Variants in NALCN observed in about 807,000 individuals in gnomAD.
NALCN encodes sodium leak channel, non-selective.
NALCN carries 111 observed loss-of-function variants against 225.3 expected under a neutral mutation model. The observed-to-expected ratio is 0.49, with a 90% CI of 0.42 to 0.58. NALCN has a LOEUF of 0.58. NALCN is among the 20% of genes least tolerant of loss of function. The pLI, the probability that NALCN is intolerant of heterozygous loss-of-function variation, is 0.00. For synonymous variants in NALCN, 764 were observed against 769.0 expected, an observed-to-expected ratio of 0.99 and a Z score of 0.11; for missense variants, 1,378 against 2,202.4, an observed-to-expected ratio of 0.63 and a Z score of 7.49.
At chr13:101,109,529 G>C (rs144538127) in intron 20 of NALCN, among the ~76,000 whole-genome samples, 1 of 152,162 alleles carries the variant, frequency 6.6e-6, no homozygotes, top group Non-Finnish European at 1.5e-5. Flanking sequence ...AGAGAAAAAC[G>C]AAATAACCCC....
chr13:101,284,136 T>C (rs1594600962), intron 9 of NALCN, 117 bp from the exon 10 acceptor site: 1 of 767,466 alleles, frequency 1.3e-6, no homozygotes, highest in East Asian at 3.0e-5. Flanking sequence ...TATGGATTTA[T>C]ATTTGGAATG....
chr13:101,375,131 C>T (rs1304260096), intron 6 of NALCN, among the ~76,000 whole-genome samples: 1 of 152,016 alleles, frequency 6.6e-6, no homozygotes, highest in Non-Finnish European at 1.5e-5. Flanking sequence ...CATGTTATCT[C>T]TATTTTGGAG....
At chr13:101,224,179 T>C (rs185772024) in intron 13 of NALCN, among the ~76,000 whole-genome samples, 10 of 152,286 alleles carry the variant, frequency 6.6e-5, no homozygotes, top group African/African-American at 2.4e-4. Context: ...CAGGACCTAC[T>C]TCCCTTCGCC....
At chr13:101,109,759 T>G (rs2035332116) in intron 20 of NALCN, among the ~76,000 whole-genome samples, 1 of 152,214 alleles carries the variant, frequency 6.6e-6, no homozygotes, top group Non-Finnish European at 1.5e-5. Context: ...GCTTGGCTTC[T>G]CTGCATTTTT....
chr13:101,279,323 G>A (rs2043069757), intron 10 of NALCN, among the ~76,000 whole-genome samples: 1 of 152,158 alleles, frequency 6.6e-6, no homozygotes, highest in African/African-American at 2.4e-5. Flanking sequence ...CTTCCTGGAG[G>A]CAGAAATGCT....
intron 15 of NALCN, among the ~76,000 whole-genome samples, chr13:101,158,430 C>T (rs2038009504): frequency 6.6e-6 from 1 of 152,220 alleles, no homozygotes; most frequent in Admixed American, 6.5e-5. Flanking sequence ...CCGCTGAGCT[C>T]CCCTCTGCAC....
intron 36 of NALCN, 32 bp from the exon 37 acceptor site, chr13:101,073,709 G>A: frequency 6.4e-7 from 1 of 1,552,262 alleles, no homozygotes; most frequent in Non-Finnish European, 8.8e-7. Context: ...AACAGAATGT[G>A]AATTATAGAA....
chr13:101,057,778 G>T, intron 43 of NALCN, 161 bp downstream of exon 43: 1 of 667,212 alleles, frequency 1.5e-6, no homozygotes, highest in East Asian at 2.7e-5. Context: ...GTTATTTTGG[G>T]GGACAATGTT....
intron 30 of NALCN, among the ~76,000 whole-genome samples, chr13:101,087,440 G>C (rs769045473): frequency 6.7e-6 from 1 of 149,760 alleles, no homozygotes; most frequent in Non-Finnish European, 1.5e-5. Flanking sequence ...ATTGAATAAT[G>C]TATAAATGCT....
At chr13:101,312,195 T>A (rs1334686773) in intron 7 of NALCN, among the ~76,000 whole-genome samples, 2 of 152,176 alleles carry the variant, frequency 1.3e-5, no homozygotes, top group East Asian at 3.8e-4. Flanking sequence ...TTCTGTGGGA[T>A]CGGTGGTGAT....
intron 11 of NALCN, among the ~76,000 whole-genome samples, chr13:101,251,889 C>T (rs576005506): frequency 8.5e-4 from 129 of 152,264 alleles, no homozygotes; most frequent in African/African-American, 2.5e-3. Context: ...TCATTCCCTC[C>T]GACAAGACAA....
At chr13:101,344,863 G>C (rs1002550785) in intron 7 of NALCN, among the ~76,000 whole-genome samples, 5 of 152,038 alleles carry the variant, frequency 3.3e-5, no homozygotes, top group African/African-American at 1.2e-4. Context: ...TCAATACCTA[G>C]TATTACAGTT....
intron 41 of NALCN, 122 bp downstream of exon 41, chr13:101,061,846 G>T: frequency 1.1e-6 from 1 of 884,996 alleles, no homozygotes. Context: ...TAGTTTAAAG[G>T]GATAGAAGGC....
intron 6 of NALCN, among the ~76,000 whole-genome samples, chr13:101,350,963 ATATCTG>A (rs1376652720): frequency 6.6e-6 from 1 of 152,338 alleles, no homozygotes; most frequent in Admixed American, 6.5e-5. Context: ...AAATCTCTTT[ATATCTG>A]TATCTGTATC....
intron 27 of NALCN, among the ~76,000 whole-genome samples, chr13:101,097,346 G>A (rs1431331821): frequency 2.0e-5 from 3 of 152,020 alleles, no homozygotes; most frequent in Non-Finnish European, 4.4e-5. Flanking sequence ...AAACTACATT[G>A]CGATTATCTT....
In NALCN at chr13:101,107,516, G is replaced by A. The variant is rs1328263040; in HGVS notation, c.2550C>T (p.Cys850=). ...TGAAGCGTGCTCGGACCACCACCCG[G>A]CAAAAGTTTCTGAACCTGTGTTCTC... ...VGREHRFRNF[C]RVVVRARFNA... is the part of the protein sequence containing the mutation. The change falls in exon 22 of 44, where the codon TGC becomes TGT. Residue 850 remains cysteine, a synonymous_variant. Coordinates refer to ENST00000251127, the MANE Select transcript of NALCN (RefSeq NM_052867.4). 3.7e-6 allele frequency: 6 copies of A among 1,614,108 alleles called. No individual in the cohort carries two copies. Among genetic ancestry groups the A allele is most frequent in the Admixed American group, 1.7e-5 (1 of 60,018 alleles).
At chr13:101,330,861 C>A (rs1485458251) in intron 7 of NALCN, among the ~76,000 whole-genome samples, 3 of 152,156 alleles carry the variant, frequency 2.0e-5, no homozygotes, top group Non-Finnish European at 4.4e-5. Flanking sequence ...CTCTTGCCTG[C>A]CCCCATGTAA....
chr13:101,221,965 C>T (rs918927604), intron 13 of NALCN, among the ~76,000 whole-genome samples: 1 of 152,170 alleles, frequency 6.6e-6, no homozygotes, highest in Admixed American at 6.5e-5. Flanking sequence ...CCACTCACTC[C>T]CACCCCAGAC....
At position 101,228,431 on chromosome 13, in the gene NALCN, T is replaced by C. The variant is rs544863718; in HGVS notation, c.1626+962A>G. Among the ~76,000 whole-genome samples the C allele has an allele frequency of 1.1e-3, 167 of 152,280 alleles. 1 individual carries two copies. Among genetic ancestry groups the C allele is most frequent in the African/African-American group, 3.8e-3 (156 of 41,548 alleles). ...TTGTAGCTCCCATAATTCCCATGTG[T>C]TGTGGAAGGGACCAGGTGTGAGATA... is the stretch of plus-strand genomic sequence containing the variant. On this transcript the variant is annotated intron_variant, in intron 13 of 43. Coordinates refer to ENST00000251127, the MANE Select transcript of NALCN (RefSeq NM_052867.4).
Sources: allele counts gnomAD v4.1 joint callset (sites outside exome capture counted in the v4.1 genomes callset), GRCh38; gene constraint gnomAD v4.1.1; transcripts MANE v1.5; gene names NCBI Gene and HGNC (gene_info 2026-07-23, HGNC 2026-07-21).